Variants in MAP4 observed in about 807,000 individuals in gnomAD.
MAP4 encodes microtubule associated protein 4.
In MAP4, 76 loss-of-function variants were observed where a neutral mutation model predicts 170.2. That is an observed-to-expected ratio of 0.45 (90% CI 0.37 to 0.54). The LOEUF (loss-of-function observed/expected upper bound fraction) is 0.54. Ranked by LOEUF, MAP4 falls within the 20% of genes least tolerant of loss-of-function variation. The pLI is 0.00. For missense variants in MAP4, 2,506 were observed against 2,748.0 expected, an observed-to-expected ratio of 0.91 and a Z score of 1.97; for synonymous variants, 909 against 994.5, an observed-to-expected ratio of 0.91 and a Z score of 1.62.
intron 1 of MAP4, among the ~76,000 whole-genome samples, chr3:48,054,278 G>C (rs1437374823): frequency 6.7e-6 from 1 of 149,072 alleles, no homozygotes; most frequent in Non-Finnish European, 1.5e-5. Context: ...AGCCTGGCGA[G>C]AGAGCAAGAC....
chr3:47,912,334 G>T lies in MAP4; in HGVS notation c.2087C>A (p.Ala696Asp), dbSNP rs2100036362. ...SDRRSTRPKPARVPPELLGGS... is the reference protein window; with the variant it reads ...SDRRSTRPKPDRVPPELLGGS... ...TCCCAGCAGCTCAGGAGGGACCCTGGCAGGCTTGGGCCGGGTTGACCTGCG... is the reference window on the plus strand; with the variant it reads ...TCCCAGCAGCTCAGGAGGGACCCTGTCAGGCTTGGGCCGGGTTGACCTGCG... The change falls in exon 9 of 21, where the codon GCC becomes GAC. Residue 696 changes from alanine (A) to aspartate (D), a missense_variant. Ala to Asp is a moderately radical substitution (Grantham distance 126). Coordinates refer to ENST00000683076, the MANE Select transcript of MAP4 (RefSeq NM_001385682.1). 1 of 1,536,110 alleles carries T rather than the reference G, an allele frequency of 6.5e-7. No homozygotes were observed.
intron 10 of MAP4, among the ~76,000 whole-genome samples, chr3:47,879,412 A>C (rs567248794): frequency 2.8e-4 from 43 of 152,282 alleles, no homozygotes; most frequent in African/African-American, 1.0e-3. Flanking sequence ...AAAACTGGGG[A>C]GGTTAGGAGG....
At chr3:47,856,186 C>CG (rs753731746) in intron 18 of MAP4, among the ~76,000 whole-genome samples, 16 of 152,228 alleles carry the variant, frequency 1.1e-4, no homozygotes, top group Non-Finnish European at 1.8e-4. Context: ...GCCCCTTCTC[C>CG]TGTTCTTCCA....
intron 3 of MAP4, among the ~76,000 whole-genome samples, chr3:47,953,441 G>A (rs923647756): frequency 6.6e-6 from 1 of 152,136 alleles, no homozygotes; most frequent in Non-Finnish European, 1.5e-5. Context: ...AGGACTACTT[G>A]AGCCTAGGAG....
At chr3:47,992,800 A>C (rs1247689401) in intron 2 of MAP4, among the ~76,000 whole-genome samples, 3 of 150,430 alleles carry the variant, frequency 2.0e-5, no homozygotes, top group African/African-American at 7.3e-5. Context: ...GCTACTCAGG[A>C]GGCTGAGGCA....
intron 1 of MAP4, among the ~76,000 whole-genome samples, chr3:48,027,623 T>A (rs987075009): frequency 6.6e-6 from 1 of 151,994 alleles, no homozygotes; most frequent in African/African-American, 2.4e-5. Flanking sequence ...AATGGGAGGA[T>A]CCCTTAAGCC....
At chr3:47,861,929 AGGTGG>A (rs1265163433) in intron 17 of MAP4, among the ~76,000 whole-genome samples, 1 of 151,918 alleles carries the variant, frequency 6.6e-6, no homozygotes, top group Non-Finnish European at 1.5e-5. Context: ...TGGGAGGCCG[AGGTGG>A]GTGGATCACA....
At chr3:48,084,732 C>T (rs1388924484) in intron 1 of MAP4, among the ~76,000 whole-genome samples, 1 of 152,026 alleles carries the variant, frequency 6.6e-6, no homozygotes, top group Non-Finnish European at 1.5e-5. Flanking sequence ...CATGCCACCA[C>T]ACCTAGCTAA....
At chr3:47,890,974 CT>C (rs1307807363) in intron 10 of MAP4, 2 of 1,402,048 alleles carry the variant, frequency 1.4e-6, no homozygotes, top group Non-Finnish European at 1.9e-6. Context: ...ACTTTGGTTC[CT>C]TCCTTGCTGT....
At chr3:47,904,188 C>T (rs893192505) in intron 9 of MAP4, among the ~76,000 whole-genome samples, 1 of 152,178 alleles carries the variant, frequency 6.6e-6, no homozygotes, top group South Asian at 2.1e-4. Context: ...TGACAGCCTC[C>T]ATTTTCTCAC....
intron 12 of MAP4, among the ~76,000 whole-genome samples, chr3:47,872,613 G>C (rs548674075): frequency 6.6e-6 from 1 of 152,256 alleles, no homozygotes; most frequent in South Asian, 2.1e-4. Context: ...GCCATGCAGG[G>C]TGCTATGTGA....
intron 3 of MAP4, among the ~76,000 whole-genome samples, chr3:47,954,367 T>C (rs1211724851): frequency 6.6e-6 from 1 of 152,218 alleles, no homozygotes; most frequent in Non-Finnish European, 1.5e-5. Context: ...GTTGTACTGG[T>C]AATCAGAACA....
intron 10 of MAP4, chr3:47,892,974 C>G (rs2100024823): frequency 1.5e-6 from 1 of 679,904 alleles, no homozygotes; most frequent in Admixed American, 6.3e-5. Flanking sequence ...TTGCCAATCC[C>G]CAGCTATAAC....
At chr3:48,054,369 T>C (rs1264567312) in intron 1 of MAP4, among the ~76,000 whole-genome samples, 5 of 151,764 alleles carry the variant, frequency 3.3e-5, no homozygotes, top group African/African-American at 9.7e-5. Context: ...CTCACGCCTG[T>C]AATCCCACTT....
At chr3:47,966,616 A>T (rs2154198422) in intron 3 of MAP4, among the ~76,000 whole-genome samples, 1 of 152,184 alleles carries the variant, frequency 6.6e-6, no homozygotes, top group East Asian at 1.9e-4. Flanking sequence ...CCTTGCCTCA[A>T]GCAATCCTCT....
chr3:47,951,589 T>C (rs1480778645), intron 3 of MAP4, among the ~76,000 whole-genome samples: 2 of 152,196 alleles, frequency 1.3e-5, no homozygotes, highest in African/African-American at 2.4e-5. Flanking sequence ...TAACCGCGAG[T>C]GATCCGCCAG....
rs530417508 is a variant in MAP4, at chr3:47,879,199, G to A, written c.5435-1676C>T. ...TGAATGTGAAAAAATAAAGCATGGA[G>A]AAATTCTTTTATGATTACTATGCAA... On this transcript the variant is annotated intron_variant, in intron 10 of 20. Transcript: ENST00000683076. 1.3e-3 allele frequency among the ~76,000 whole-genome samples: 202 copies of A among 150,718 alleles called. 1 individual carries two copies. The highest frequency in any genetic ancestry group is 4.6e-3 in the African/African-American group (190 of 41,034).
At chr3:47,979,016 T>C (rs1300557365) in intron 2 of MAP4, among the ~76,000 whole-genome samples, 1 of 152,162 alleles carries the variant, frequency 6.6e-6, no homozygotes, top group Non-Finnish European at 1.5e-5. Context: ...TTTCATTTAC[T>C]TAACTGTGCC....
intron 9 of MAP4, among the ~76,000 whole-genome samples, chr3:47,903,529 T>C (rs1357998627): frequency 7.0e-6 from 1 of 142,148 alleles, no homozygotes; most frequent in Non-Finnish European, 1.5e-5. Context: ...CGAGACTCCG[T>C]CTCAAAAAAA....
Sources: gnomAD v4.1 joint callset for allele counts (sites outside exome capture counted in the v4.1 genomes callset) on GRCh38, gnomAD v4.1.1 for gene constraint, MANE v1.5 for transcripts, NCBI Gene and HGNC (gene_info 2026-07-23, HGNC 2026-07-21) for gene names.